Variants in MYO5A observed in about 807,000 individuals in gnomAD.
The protein encoded by MYO5A is unconventional myosin-Va.
MYO5A carries 98 observed loss-of-function variants against 249.7 expected under a neutral mutation model. The observed-to-expected ratio is 0.39, with a 90% CI of 0.33 to 0.46. The LOEUF is 0.46. MYO5A is among the 20% of genes least tolerant of loss of function. The pLI, the probability that MYO5A is intolerant of heterozygous loss-of-function variation, is 0.98. For synonymous variants in MYO5A, 778 were observed against 810.6 expected, an observed-to-expected ratio of 0.96 and a Z score of 0.68; for missense variants, 1,696 against 2,308.8, an observed-to-expected ratio of 0.73 and a Z score of 5.44.
chr15:52,452,628 T>C (rs564568795), intron 1 of MYO5A, among the ~76,000 whole-genome samples: 17 of 152,094 alleles, frequency 1.1e-4, no homozygotes, highest in Non-Finnish European at 2.2e-4. Context: ...CTAGCCAGCC[T>C]TTCCACACTG....
chr15:52,347,647 TA>T (rs555522597), intron 29 of MYO5A, among the ~76,000 whole-genome samples: 5 of 151,950 alleles, frequency 3.3e-5, no homozygotes, highest in African/African-American at 7.2e-5. Context: ...TAAAAATCCT[TA>T]AAAAAAATAC....
At position 52,340,352 on chromosome 15, in the gene MYO5A, C is replaced by T; in HGVS notation, c.4083G>A (p.Glu1361=). The T allele has an allele frequency of 9.9e-6, 16 of 1,613,796 alleles. No individual in the cohort carries two copies. Among genetic ancestry groups the T allele is most frequent in the Non-Finnish European group, 1.4e-5 (16 of 1,180,042 alleles). The stretch of plus-strand genomic sequence containing the variant: ...CCCCACGGAGGGCCTCGGCCTCATT[C>T]TCATGGCTCCTCTTCTGTGACTGCA... ...SQLQSQKRSH[E]NEAEALRGEI... is the part of the protein sequence containing the mutation. The change falls in exon 32 of 42, where the codon GAG becomes GAA. Residue 1361 remains glutamate, a synonymous_variant. Coordinates refer to ENST00000399233, the MANE Select transcript of MYO5A (RefSeq NM_001382347.1).
At chr15:52,447,270 ACACTCT>A (rs571846941) in intron 1 of MYO5A, among the ~76,000 whole-genome samples, 99 of 152,024 alleles carry the variant, frequency 6.5e-4, no homozygotes, top group African/African-American at 2.3e-3. Flanking sequence ...TCACTCACTC[ACACTCT>A]CGCTCTCTCT....
rs766108259 is a variant in MYO5A, at chr15:52,394,126, C to T, written c.1402-2056G>A. On this transcript the variant is annotated intron_variant, in intron 11 of 41. Coordinates refer to ENST00000399233, the MANE Select transcript of MYO5A (RefSeq NM_001382347.1). The stretch of plus-strand genomic sequence containing the variant: ...CTTCAAACACTAAGCATGCCAACCA[C>T]GGGATTTCTCATGCTGACTGCCCCC... 2.0e-5 allele frequency among the ~76,000 whole-genome samples: 3 copies of T among 152,266 alleles called. No individual in the cohort carries two copies. The South Asian group carries it at 6.2e-4, about 32-fold the overall frequency.
intron 12 of MYO5A, among the ~76,000 whole-genome samples, chr15:52,391,005 C>T (rs990747998): frequency 3.9e-5 from 6 of 152,112 alleles, no homozygotes; most frequent in Admixed American, 3.3e-4. Context: ...ACTATGACAA[C>T]TGCCACAGTT....
intron 12 of MYO5A, 50 bp downstream of exon 12, chr15:52,391,880 C>T (rs1426113055): frequency 1.9e-6 from 3 of 1,579,168 alleles, no homozygotes; most frequent in African/African-American, 2.7e-5. Context: ...ATCTTCTGAC[C>T]TTGATACATC....
At chr15:52,358,276 T>C (rs906841135) in intron 25 of MYO5A, among the ~76,000 whole-genome samples, 2 of 152,316 alleles carry the variant, frequency 1.3e-5, no homozygotes, top group South Asian at 2.1e-4. Context: ...GGTACTACAC[T>C]GGAATGGGCA....
At chr15:52,434,875 G>A (rs1615235) in intron 1 of MYO5A, among the ~76,000 whole-genome samples, 51,899 of 152,046 alleles carry the variant, frequency 0.34, 10,692 homozygotes, top group East Asian at 0.66. Flanking sequence ...GGGCCAGACT[G>A]AACCCGGTCT....
chr15:52,456,074 C>A (rs2076112331), intron 1 of MYO5A, among the ~76,000 whole-genome samples: 1 of 151,890 alleles, frequency 6.6e-6, no homozygotes, highest in Admixed American at 6.6e-5. Context: ...AAAAACGCCA[C>A]CAAATAAAAC....
At chr15:52,500,003 C>T (rs767078140) in intron 1 of MYO5A, among the ~76,000 whole-genome samples, 2 of 152,122 alleles carry the variant, frequency 1.3e-5, no homozygotes, top group African/African-American at 4.8e-5. Context: ...CAGTGAGCTA[C>T]AATCACCCCT....
At chr15:52,497,852 TATG>T (rs762360079) in intron 1 of MYO5A, among the ~76,000 whole-genome samples, 49 of 151,850 alleles carry the variant, frequency 3.2e-4, no homozygotes, top group South Asian at 6.2e-4. Context: ...GCAATTTCTT[TATG>T]AAATGATTCA....
chr15:52,449,404 T>G (rs902824852), intron 1 of MYO5A, among the ~76,000 whole-genome samples: 13 of 152,330 alleles, frequency 8.5e-5, no homozygotes, highest in East Asian at 1.9e-4. Flanking sequence ...TCTTAACAAC[T>G]GCAAACACCA....
At chr15:52,420,490 G>A (rs1669859) in intron 4 of MYO5A, among the ~76,000 whole-genome samples, 8,151 of 151,724 alleles carry the variant, frequency 0.054, 284 homozygotes, top group South Asian at 0.14. Flanking sequence ...ATAAGATGAC[G>A]TAGCAAGAAG....
At chr15:52,490,356 T>C (rs1013782183) in intron 1 of MYO5A, among the ~76,000 whole-genome samples, 1 of 152,306 alleles carries the variant, frequency 6.6e-6, no homozygotes, top group Admixed American at 6.5e-5. Context: ...AATGGATGAA[T>C]AGATTAAACA....
At chr15:52,519,698 C>T (rs1470723485) in intron 1 of MYO5A, among the ~76,000 whole-genome samples, 1 of 151,366 alleles carries the variant, frequency 6.6e-6, no homozygotes, top group African/African-American at 2.4e-5. Context: ...CAATTTCTAA[C>T]ATGCTATTAG....
chr15:52,354,853 C>CAA (rs1468557781), intron 25 of MYO5A, among the ~76,000 whole-genome samples: 1 of 104,756 alleles, frequency 9.5e-6, no homozygotes, highest in African/African-American at 3.6e-5. Flanking sequence ...GACTCCATCT[C>CAA]ACAAAAAAAA....
chr15:52,458,637 T>C (rs1227524860), intron 1 of MYO5A, among the ~76,000 whole-genome samples: 1 of 150,936 alleles, frequency 6.6e-6, no homozygotes, highest in Admixed American at 6.6e-5. Context: ...AGAAAAATAA[T>C]AAAAAAGAAA....
At chr15:52,504,454 T>G (rs1344883214) in intron 1 of MYO5A, among the ~76,000 whole-genome samples, 2 of 152,174 alleles carry the variant, frequency 1.3e-5, no homozygotes, top group Non-Finnish European at 2.9e-5. Flanking sequence ...GAATTGATCT[T>G]TCACCCCCGA....
Position 52,310,825 on chromosome 15 carries a change from T to C in MYO5A, c.*2871A>G, listed in dbSNP as rs574806906. ...CAAACTGGCCCAAAGATCCCCATAG[T>C]CGGCAGAATCTTCTTGTACCTTCAA... On this transcript the variant is annotated 3_prime_UTR_variant, in exon 42 of 42. Coordinates refer to ENST00000399233, the MANE Select transcript of MYO5A (RefSeq NM_001382347.1). 3.3e-5 allele frequency: 5 copies of C among 152,328 alleles called. No homozygotes were observed. The highest frequency in any genetic ancestry group is 3.4e-3 in the Middle Eastern group (1 of 294). The allele number at this position is 152,328 out of a possible 1,614,324, so 9.4% of individuals were successfully genotyped here.
Sources: allele counts gnomAD v4.1 joint callset (sites outside exome capture counted in the v4.1 genomes callset), GRCh38; gene constraint gnomAD v4.1.1; transcripts MANE v1.5; gene names NCBI Gene and HGNC (gene_info 2026-07-23, HGNC 2026-07-21).